Variants in ARHGAP21 observed in about 807,000 individuals in gnomAD.
ARHGAP21 encodes rho GTPase-activating protein 21.
Under a neutral mutation model 164.6 loss-of-function variants are expected in ARHGAP21, and 38 were observed. The ratio of observed to expected loss-of-function variants is 0.23; its 90% CI spans 0.18 to 0.30. ARHGAP21 has a LOEUF of 0.30. ARHGAP21 is among the 10% of genes least tolerant of loss of function. The probability of loss-of-function intolerance (pLI) is 1.00; values close to 1 mark genes in which losing one functional copy is unlikely to be tolerated. For missense variants in ARHGAP21, 1,822 were observed against 2,370.7 expected, an observed-to-expected ratio of 0.77 and a Z score of 4.81; for synonymous variants, 766 against 857.9, an observed-to-expected ratio of 0.89 and a Z score of 1.87.
At chr10:24,604,476 T>C in intron 11 of ARHGAP21, 128 bp from the exon 12 acceptor site, 1 of 554,288 alleles carries the variant, frequency 1.8e-6, no homozygotes, top group Non-Finnish European at 3.0e-6. Context: ...TCATGTTAAA[T>C]GTCCACTATT....
At chr10:24,670,885 A>G (rs1840635841) in intron 2 of ARHGAP21, among the ~76,000 whole-genome samples, 1 of 152,158 alleles carries the variant, frequency 6.6e-6, no homozygotes, top group Admixed American at 6.5e-5. Context: ...ATATCCACAT[A>G]GATAACCCTT....
rs1415947961 is a variant in ARHGAP21 at position 24,679,510 on chromosome 10, C to G, written c.64-9113G>C. Reference sequence around the variant, plus strand: ...ACATTCAGACCACAGCATATAATTACATGTTTACTTTTATAAGAAACTGCC... The same window carrying G: ...ACATTCAGACCACAGCATATAATTAGATGTTTACTTTTATAAGAAACTGCC... On this transcript the variant is annotated intron_variant, in intron 2 of 25. Transcript: ENST00000396432. 2.6e-5 allele frequency among the ~76,000 whole-genome samples: 4 copies of G among 152,332 alleles called. No individual in the cohort carries two copies. In the East Asian group the frequency reaches 7.7e-4, roughly 29 times the overall value.
chr10:24,601,799 T>G (rs2076824652), intron 13 of ARHGAP21, among the ~76,000 whole-genome samples, 179 bp downstream of exon 13: 1 of 152,082 alleles, frequency 6.6e-6, no homozygotes, highest in Admixed American at 6.5e-5. Flanking sequence ...ACCAAATTAA[T>G]GCAATAATTA....
intron 9 of ARHGAP21, among the ~76,000 whole-genome samples, chr10:24,610,506 TA>T (rs1016844610): frequency 6.6e-6 from 1 of 151,038 alleles, no homozygotes. Context: ...CCTTAACATG[TA>T]AAAAAAAATA....
chr10:24,722,023 T>C lies in ARHGAP21; in HGVS notation c.-124A>G, dbSNP rs568771457. On this transcript the variant is annotated 5_prime_UTR_variant, in exon 2 of 26. Coordinates refer to ENST00000396432, the MANE Select transcript of ARHGAP21 (RefSeq NM_020824.4). ...CAGGCTCCGAGGAGGGGCAGGGCTGTTGAAACAGACAACGTGCCAGGGAAT... is the reference window on the plus strand; with the variant it reads ...CAGGCTCCGAGGAGGGGCAGGGCTGCTGAAACAGACAACGTGCCAGGGAAT... The C allele has an allele frequency of 5.0e-6, 5 of 1,003,666 alleles. No individual in the cohort carries two copies. In the South Asian group the frequency reaches 5.5e-5, roughly 11 times the overall value. The allele number at this position is 1,003,666 out of a possible 1,614,324, so 62.2% of individuals were successfully genotyped here.
intron 4 of ARHGAP21, among the ~76,000 whole-genome samples, chr10:24,663,631 C>T (rs778063714): frequency 2.0e-5 from 3 of 152,178 alleles, no homozygotes; most frequent in Non-Finnish European, 2.9e-5. Flanking sequence ...CAGGTTCAAG[C>T]GATTCTCCTG....
At chr10:24,686,867 C>T (rs1412744436) in intron 2 of ARHGAP21, among the ~76,000 whole-genome samples, 1 of 152,096 alleles carries the variant, frequency 6.6e-6, no homozygotes. Flanking sequence ...CAGAACTTCC[C>T]GATCAGTGTA....
intron 25 of ARHGAP21, among the ~76,000 whole-genome samples, chr10:24,587,095 G>A (rs1388680583): frequency 6.6e-6 from 1 of 152,168 alleles, no homozygotes; most frequent in Non-Finnish European, 1.5e-5. Context: ...CCTTACCACA[G>A]AAACACTGTA....
At chr10:24,651,112 C>CCT (rs1838117257) in intron 4 of ARHGAP21, among the ~76,000 whole-genome samples, 1 of 152,176 alleles carries the variant, frequency 6.6e-6, no homozygotes, top group Non-Finnish European at 1.5e-5. Flanking sequence ...GTGGGCTGTT[C>CCT]CTCTGCACAC....
At chr10:24,613,326 A>C (rs565866453) in intron 9 of ARHGAP21, among the ~76,000 whole-genome samples, 1 of 152,330 alleles carries the variant, frequency 6.6e-6, no homozygotes, top group South Asian at 2.1e-4. Flanking sequence ...TTATAAATAA[A>C]AATTTTGAAG....
chr10:24,620,234 C>G lies in ARHGAP21; in HGVS notation c.1661G>C (p.Arg554Pro). 3.1e-6 allele frequency: 5 copies of G among 1,613,898 alleles called. No individual in the cohort carries two copies. Among genetic ancestry groups the G allele is most frequent in the Non-Finnish European group, 3.4e-6 (4 of 1,179,870 alleles). The change falls in exon 9 of 26, where the codon CGA (arginine) becomes CCA (proline). Residue 554 changes from arginine to proline, a missense_variant. Arg to Pro is a moderately radical substitution (Grantham distance 103, BLOSUM62 -2). Coordinates refer to ENST00000396432, the MANE Select transcript of ARHGAP21 (RefSeq NM_020824.4). ...TGGAGCCACAGTAAAATTGGAACCT[C>G]GAAAAGATTTATGAATTTCTTGCTG... ...PRQQEIHKSFRGSNFTVAPSV... is the reference protein window; with the variant it reads ...PRQQEIHKSFPGSNFTVAPSV...
chr10:24,601,433 C>T (rs1176463152), intron 13 of ARHGAP21, among the ~76,000 whole-genome samples: 2 of 152,158 alleles, frequency 1.3e-5, no homozygotes, highest in African/African-American at 2.4e-5. Flanking sequence ...ACTCTTCTGA[C>T]AGCATTAAAA....
chr10:24,716,859 G>A (rs373965823), intron 2 of ARHGAP21, among the ~76,000 whole-genome samples: 5 of 152,322 alleles, frequency 3.3e-5, no homozygotes, highest in African/African-American at 1.2e-4. Context: ...TGCTTGAGAT[G>A]AGGAAGACTG....
In ARHGAP21 at chr10:24,595,182, C is replaced by T. The variant is rs773838375; in HGVS notation, c.3721G>A (p.Ala1241Thr). The stretch of plus-strand genomic sequence containing the variant: ...TTACGATTGGCTTCAATAAAATCAG[C>T]ATATTTATCTGACGACAAGAACAAT... Reference protein sequence around the residue: ...PEPLFTNDKYADFIEANRKED... With the variant: ...PEPLFTNDKYTDFIEANRKED... Residue 1241 changes from alanine (A) to threonine (T), a missense_variant, in exon 20 of 26, where the codon GCT becomes ACT. Ala to Thr is a moderately conservative substitution (Grantham distance 58). Around this residue, in one of 5 missense-constraint regions of ARHGAP21, gnomAD observed 117 missense variants for 238.1 expected, o/e 0.49. Transcript: ENST00000396432. 4 of 1,609,772 alleles carry T rather than the reference C, an allele frequency of 2.5e-6. No individual in the cohort carries two copies. Among genetic ancestry groups the T allele is most frequent in the Admixed American group, 1.7e-5 (1 of 59,302 alleles).
chr10:24,584,859 A>G lies in ARHGAP21; in HGVS notation c.5430T>C (p.Ala1810=), dbSNP rs1164404483. The change falls in exon 26 of 26, where the codon GCT becomes GCC. Residue 1810 remains alanine, a synonymous_variant. Coordinates refer to ENST00000396432, the MANE Select transcript of ARHGAP21 (RefSeq NM_020824.4). ...RRHTLGGHRD[A]TEISVLNFWK... ...AAAAATTCAAAACGCTGATTTCGGT[A>G]GCATCTCTGTGCCCTCCTAGTGTAT... 6.2e-7 allele frequency: 1 copy of G among 1,613,834 alleles called. No homozygotes were observed.
rs762049161 is a variant in ARHGAP21 at position 24,620,629 on chromosome 10, C to T, written c.1266G>A (p.Thr422=). ...TGGGGACGACCTGGTTATAATCTGT[C>T]GTGCTTTGAGATGCTGCTCTTAAAC... is the stretch of plus-strand genomic sequence containing the variant. ...LDSLRAASQS[T]TDYNQVVPNR... is the part of the protein sequence containing the mutation. The change falls in exon 9 of 26, where the codon ACG becomes ACA. Residue 422 remains threonine (T), a synonymous_variant. Coordinates refer to ENST00000396432, the MANE Select transcript of ARHGAP21 (RefSeq NM_020824.4). The T allele has an allele frequency of 1.2e-5, 20 of 1,614,082 alleles. No individual in the cohort carries two copies. The South Asian group carries it at 1.3e-4, about 11-fold the overall frequency.
At chr10:24,623,892 T>C (rs1261537509) in intron 7 of ARHGAP21, among the ~76,000 whole-genome samples, 1 of 152,234 alleles carries the variant, frequency 6.6e-6, no homozygotes, top group East Asian at 1.9e-4. Flanking sequence ...AATGCTATTC[T>C]AGAACTAATA....
chr10:24,627,256 C>T (rs1835228428), intron 7 of ARHGAP21, among the ~76,000 whole-genome samples: 1 of 152,136 alleles, frequency 6.6e-6, no homozygotes. Flanking sequence ...GTTCACATTA[C>T]CCATTGCTTT....
intron 25 of ARHGAP21, among the ~76,000 whole-genome samples, chr10:24,588,694 T>C (rs2130727584): frequency 6.6e-6 from 1 of 152,244 alleles, no homozygotes. Context: ...ACTATAAATG[T>C]CCCACAAACT....
Sources: allele counts gnomAD v4.1 joint callset (sites outside exome capture counted in the v4.1 genomes callset), GRCh38; gene constraint gnomAD v4.1.1; regional missense constraint gnomAD v4.1.1; transcripts MANE v1.5; gene names NCBI Gene and HGNC (gene_info 2026-07-23, HGNC 2026-07-21).